Variants in KIAA0319 observed in about 807,000 individuals in gnomAD.
The protein encoded by KIAA0319 is KIAA0319, also known as dyslexia-associated protein KIAA0319.
KIAA0319 carries 83 observed loss-of-function variants against 108.4 expected under a neutral mutation model. The ratio of observed to expected loss-of-function variants is 0.77; its 90% CI spans 0.64 to 0.92. KIAA0319 has a LOEUF of 0.92. KIAA0319 is among the 40% of genes least tolerant of loss of function. KIAA0319 has a pLI of 0.00. For missense variants in KIAA0319, 1,195 were observed against 1,322.4 expected (o/e 0.90, Z 1.49); for synonymous variants, 484 against 510.4 (o/e 0.95, Z 0.70).
At chr6:24,598,050 T>C (rs1770001333) in intron 2 of KIAA0319, 1 of 347,278 alleles carries the variant, frequency 2.9e-6, no homozygotes, top group Non-Finnish European at 5.5e-6. Context: ...ACAAGGTGTC[T>C]ACCTCTGGCC....
chr6:24,563,281 GTTTTCT>G, intron 16 of KIAA0319, 72 bp downstream of exon 16: 1 of 1,467,528 alleles, frequency 6.8e-7, no homozygotes, highest in African/African-American at 1.4e-5. Context: ...GGAATGAACA[GTTTTCT>G]ACTGGACTGG....
At position 24,572,672 on chromosome 6, in the gene KIAA0319, T is replaced by C. The variant is rs1204152746; in HGVS notation, c.1761A>G (p.Leu587=). The change falls in exon 11 of 21, where the codon TTA becomes TTG. Residue 587 remains leucine (L), a synonymous_variant. Coordinates refer to ENST00000378214, the MANE Select transcript of KIAA0319 (RefSeq NM_014809.4). ...MQGVQTPYLH[L]SAMQEGDYTF... is the part of the protein sequence containing the mutation. ...TATAATCTCCTTCCTGCATTGCAGATAAATGAAGGTATGGCGTCTGTACTC... is the reference window on the plus strand; with the variant it reads ...TATAATCTCCTTCCTGCATTGCAGACAAATGAAGGTATGGCGTCTGTACTC... 5 of 1,613,392 alleles carry C rather than the reference T, an allele frequency of 3.1e-6. No homozygotes were observed. The Admixed American group carries it at 8.3e-5, about 27-fold the overall frequency.
chr6:24,609,279 A>AC (rs1562060083), intron 1 of KIAA0319, among the ~76,000 whole-genome samples: 2 of 150,294 alleles, frequency 1.3e-5, no homozygotes, highest in African/African-American at 2.4e-5. Context: ...AAAACAAAAA[A>AC]AAAAAAAAAA....
chr6:24,540,278 GGTTT>G (rs1179865878), downstream of KIAA0319, among the ~76,000 whole-genome samples: 1 of 152,188 alleles, frequency 6.6e-6, no homozygotes, highest in Non-Finnish European at 1.5e-5. Flanking sequence ...TGAGAATGCA[GGTTT>G]GTTTACACCA....
At chr6:24,602,825 A>T (rs13212181) in intron 1 of KIAA0319, among the ~76,000 whole-genome samples, 4,788 of 152,216 alleles carry the variant, frequency 0.031, 120 homozygotes, top group Middle Eastern at 0.085. Context: ...AAGAAAAGAA[A>T]AAAAGAAATG....
intron 20 of KIAA0319, among the ~76,000 whole-genome samples, chr6:24,550,008 T>C (rs577547039): frequency 1.7e-4 from 26 of 152,290 alleles, no homozygotes; most frequent in African/African-American, 6.0e-4. Context: ...TAATGCAACC[T>C]AAAGCACGTT....
rs548023180 is a variant in KIAA0319, at chr6:24,576,991, C to A, written c.1506-395G>T. 3.0e-4 allele frequency among the ~76,000 whole-genome samples: 46 copies of A among 151,892 alleles called. 1 individual carries two copies. The highest frequency in any genetic ancestry group is 3.4e-3 in the Middle Eastern group (1 of 292). Reference sequence around the variant, plus strand: ...ATAATATGCCAAATCTCAAGGTAAACTTAGGTCAATTTAGTCTGCTCATGG... The same window carrying A: ...ATAATATGCCAAATCTCAAGGTAAAATTAGGTCAATTTAGTCTGCTCATGG... On this transcript the variant is annotated intron_variant, in intron 9 of 20. Transcript: ENST00000378214.
chr6:24,639,579 G>T (rs1462460160), intron 1 of KIAA0319, among the ~76,000 whole-genome samples: 1 of 152,200 alleles, frequency 6.6e-6, no homozygotes, highest in Non-Finnish European at 1.5e-5. Context: ...GCTGGACGCG[G>T]TGGCTCACGC....
chr6:24,625,880 C>G (rs970701421), intron 1 of KIAA0319, among the ~76,000 whole-genome samples: 4 of 152,124 alleles, frequency 2.6e-5, no homozygotes, highest in Admixed American at 2.6e-4. Context: ...AAGTCTTGTA[C>G]AGTGGAGACT....
At chr6:24,569,844 A>T in intron 12 of KIAA0319, 59 bp downstream of exon 12, 3 of 1,574,134 alleles carry the variant, frequency 1.9e-6, no homozygotes, top group Non-Finnish European at 2.6e-6. Flanking sequence ...CCTCCAGAGA[A>T]GGGATAATAT....
intron 16 of KIAA0319, among the ~76,000 whole-genome samples, chr6:24,559,858 T>C (rs1762854479): frequency 6.6e-6 from 1 of 152,172 alleles, no homozygotes; most frequent in East Asian, 1.9e-4. Flanking sequence ...CCACACTCAT[T>C]AGCACCTCCT....
Position 24,596,254 on chromosome 6 carries a change from G to A in KIAA0319, c.420C>T (p.Asp140=). The change falls in exon 3 of 21, where the codon GAC becomes GAT. Residue 140 remains aspartate, a synonymous_variant. Coordinates refer to ENST00000378214, the MANE Select transcript of KIAA0319 (RefSeq NM_014809.4). ...WGDSPEDIRK[D]LTFLGKDWGL... is the part of the protein sequence containing the mutation. ...CCCAATCTTTGCCTAGAAAGGTCAA[G>A]TCCTTTCTGATATCCTCAGGTGAGT... 6.2e-7 allele frequency: 1 copy of A among 1,614,206 alleles called. No homozygotes were observed.
chr6:24,563,298 G>A lies in KIAA0319; in HGVS notation c.2591+61C>T, dbSNP rs781188122. ...AATGAACAGTTTTCTACTGGACTGG[G>A]ATGAGGTAAGAGCTGGAATTTTGTA... On this transcript the variant is annotated intron_variant, in intron 16 of 20. Transcript: ENST00000378214. 1.7e-4 allele frequency: 259 copies of A among 1,534,008 alleles called. 1 individual carries two copies. The highest frequency in any genetic ancestry group is 5.0e-4 in the South Asian group (40 of 79,904).
At chr6:24,611,926 C>T (rs1772376322) in intron 1 of KIAA0319, among the ~76,000 whole-genome samples, 1 of 151,800 alleles carries the variant, frequency 6.6e-6, no homozygotes, top group African/African-American at 2.4e-5. Flanking sequence ...TGATATGGAC[C>T]TGTAGTCCCA....
At chr6:24,622,699 G>T (rs920925659) in intron 1 of KIAA0319, among the ~76,000 whole-genome samples, 2 of 152,126 alleles carry the variant, frequency 1.3e-5, no homozygotes, top group African/African-American at 4.8e-5. Flanking sequence ...AACTAACCCA[G>T]TGAGGCAGGT....
chr6:24,584,377 C>T (rs112708194), intron 4 of KIAA0319, among the ~76,000 whole-genome samples: 11 of 142,714 alleles, frequency 7.7e-5, no homozygotes, highest in African/African-American at 2.6e-4. Flanking sequence ...ATTAGTTTCA[C>T]TTGTAAAATA....
chr6:24,613,295 G>A (rs769563879), intron 1 of KIAA0319, among the ~76,000 whole-genome samples: 26 of 152,050 alleles, frequency 1.7e-4, no homozygotes, highest in Non-Finnish European at 3.1e-4. Context: ...AACAGGGTGG[G>A]CAGACTTAGC....
At chr6:24,618,029 A>G (rs1773407530) in intron 1 of KIAA0319, among the ~76,000 whole-genome samples, 1 of 152,022 alleles carries the variant, frequency 6.6e-6, no homozygotes, top group Non-Finnish European at 1.5e-5. Context: ...AATATAAGAA[A>G]TAGAACCTCG....
At chr6:24,553,244 C>T (rs1451950398) in intron 19 of KIAA0319, among the ~76,000 whole-genome samples, 1 of 144,046 alleles carries the variant, frequency 6.9e-6, no homozygotes, top group African/African-American at 2.7e-5. Flanking sequence ...CTATTGAGAC[C>T]TGTAAGGCCA....
Sources: allele counts gnomAD v4.1 joint callset (sites outside exome capture counted in the v4.1 genomes callset), GRCh38; gene constraint gnomAD v4.1.1; transcripts MANE v1.5; gene names NCBI Gene and HGNC (gene_info 2026-07-23, HGNC 2026-07-21).